The following BNC2 variants were observed in gnomAD, a reference collection of about 807,000 sequenced individuals.
BNC2 encodes zinc finger protein basonuclin-2.
A neutral mutation model predicts 76.3 loss-of-function variants in BNC2; 20 were observed. The observed-to-expected ratio is 0.26, with a 90% CI of 0.18 to 0.38. The LOEUF (loss-of-function observed/expected upper bound fraction) is 0.38. Ranked by LOEUF, BNC2 falls within the 10% of genes least tolerant of loss-of-function variation. The pLI, the probability that BNC2 is intolerant of heterozygous loss-of-function variation, is 1.00. For synonymous variants in BNC2, 582 were observed against 514.8 expected, an observed-to-expected ratio of 1.13 and a Z score of -1.77; for missense variants, 1,382 against 1,399.8, an observed-to-expected ratio of 0.99 and a Z score of 0.20.
At position 16,419,083 on chromosome 9, in the gene BNC2, C is replaced by T. The variant is rs1820653197; in HGVS notation, c.3206G>A (p.Gly1069Asp). The change falls in exon 7 of 7, where the codon GGT becomes GAT. Residue 1069 changes from glycine to aspartate, a missense_variant. Gly to Asp is a moderately conservative substitution (Grantham distance 94). Transcript: ENST00000380672. The stretch of plus-strand genomic sequence containing the variant: ...TACAGAGGAAAACATCATATTGCAA[C>T]CTGGGACTTTGCACTTGTGCATTTC... Reference protein sequence around the residue: ...LREMHKCKVPGCNMMFSSVRS... With the variant: ...LREMHKCKVPDCNMMFSSVRS... 6.2e-7 allele frequency: 1 copy of T among 1,614,056 alleles called. No individual in the cohort carries two copies. Among genetic ancestry groups the T allele is most frequent in the Non-Finnish European group, 8.5e-7 (1 of 1,180,046 alleles).
At chr9:16,531,442 CTTTCA>C (rs1339589001) in intron 5 of BNC2, among the ~76,000 whole-genome samples, 3 of 150,982 alleles carry the variant, frequency 2.0e-5, no homozygotes, top group South Asian at 2.1e-4. Context: ...AGAAGTTTTT[CTTTCA>C]TTTAATTTTT....
intron 5 of BNC2, among the ~76,000 whole-genome samples, chr9:16,474,486 G>C (rs1358795121): frequency 6.6e-6 from 1 of 152,120 alleles, no homozygotes; most frequent in Non-Finnish European, 1.5e-5. Flanking sequence ...GAATAGAGGA[G>C]GTGACAAAGA....
At position 16,418,807 on chromosome 9, in the gene BNC2, A is replaced by T; in HGVS notation, c.*182T>A. 2.9e-6 allele frequency: 2 copies of T among 691,850 alleles called. No individual in the cohort carries two copies. Among genetic ancestry groups the T allele is most frequent in the Non-Finnish European group, 4.8e-6 (2 of 413,920 alleles). 42.9% of individuals were successfully genotyped at this position (691,850 alleles called of 1,614,324 possible). A position where few individuals can be genotyped will look rare whatever the true frequency, so the allele number is the denominator to read the frequency against. On this transcript the variant is annotated 3_prime_UTR_variant, in exon 7 of 7. Transcript: ENST00000380672. ...AAGTGAAAAAAATTCAAAAGCACCTAGTGTTTATCTTGTTTATCTCAAGGA... is the reference window on the plus strand; with the variant it reads ...AAGTGAAAAAAATTCAAAAGCACCTTGTGTTTATCTTGTTTATCTCAAGGA...
At chr9:16,542,231 C>T (rs1272789894) in intron 5 of BNC2, among the ~76,000 whole-genome samples, 1 of 152,012 alleles carries the variant, frequency 6.6e-6, no homozygotes, top group Non-Finnish European at 1.5e-5. Flanking sequence ...AAGAAATACA[C>T]AGAAAAATGA....
chr9:16,689,259 T>C (rs1823078423), intron 3 of BNC2, among the ~76,000 whole-genome samples: 1 of 143,564 alleles, frequency 7.0e-6, no homozygotes. Context: ...CCGTTGAAAA[T>C]ATTTGAAGAT....
chr9:16,759,512 G>A (rs1259868306), intron 1 of BNC2, among the ~76,000 whole-genome samples: 1 of 152,036 alleles, frequency 6.6e-6, no homozygotes, highest in Non-Finnish European at 1.5e-5. Context: ...ATGACTCAGT[G>A]TTAAATCCCT....
chr9:16,552,300 A>T (rs1173565073), intron 5 of BNC2, among the ~76,000 whole-genome samples: 1 of 152,172 alleles, frequency 6.6e-6, no homozygotes, highest in Non-Finnish European at 1.5e-5. Flanking sequence ...AAAAGGTGCA[A>T]ACAAAGGTAA....
At chr9:16,750,759 G>C (rs544814959) in intron 1 of BNC2, among the ~76,000 whole-genome samples, 1 of 152,358 alleles carries the variant, frequency 6.6e-6, no homozygotes, top group South Asian at 2.1e-4. Context: ...ATCAAGGCTT[G>C]AAAGCAAATT....
At chr9:16,571,218 T>C (rs562795991) in intron 4 of BNC2, among the ~76,000 whole-genome samples, 2 of 152,192 alleles carry the variant, frequency 1.3e-5, no homozygotes, top group South Asian at 4.1e-4. Flanking sequence ...TCTTAATAGC[T>C]TTTTTTAATT....
At chr9:16,505,302 A>G (rs1822601355) in intron 5 of BNC2, among the ~76,000 whole-genome samples, 1 of 152,200 alleles carries the variant, frequency 6.6e-6, no homozygotes, top group Admixed American at 6.5e-5. Context: ...CCCAGTACTG[A>G]CATTTTTTGC....
intron 3 of BNC2, among the ~76,000 whole-genome samples, chr9:16,646,721 G>A (rs1821638019): frequency 6.6e-6 from 1 of 152,042 alleles, no homozygotes; most frequent in South Asian, 2.1e-4. Context: ...CTTAAAATGG[G>A]TCTATTTCAT....
chr9:16,793,144 A>T (rs1262463058), intron 1 of BNC2, among the ~76,000 whole-genome samples: 1 of 152,224 alleles, frequency 6.6e-6, no homozygotes, highest in Non-Finnish European at 1.5e-5. Flanking sequence ...ACACCAAAAC[A>T]AATCCAATTG....
rs1289005559 is a variant in BNC2 at position 16,791,320 on chromosome 9, C to T, written c.4-52835G>A. Among the ~76,000 whole-genome samples the T allele has an allele frequency of 2.0e-5, 3 of 152,248 alleles. No individual in the cohort carries two copies. In the East Asian group the frequency reaches 5.8e-4, roughly 29 times the overall value. On this transcript the variant is annotated intron_variant, in intron 1 of 6. Transcript: ENST00000380672. ...TCGTGATCCGCCTGCCTCGGCCTCC[C>T]AAAGTGCTAGGATTACAGGCATGAG...
chr9:16,538,307 G>A (rs1818189964), intron 5 of BNC2, among the ~76,000 whole-genome samples: 1 of 152,124 alleles, frequency 6.6e-6, no homozygotes, highest in Non-Finnish European at 1.5e-5. Flanking sequence ...TCTATGTACT[G>A]AGTGAAGGAA....
chr9:16,818,991 C>A (rs530318510), intron 1 of BNC2, among the ~76,000 whole-genome samples: 4 of 152,242 alleles, frequency 2.6e-5, no homozygotes, highest in Non-Finnish European at 5.9e-5. Context: ...AAAAAAAAGT[C>A]CCTTCATCTC....
intron 1 of BNC2, among the ~76,000 whole-genome samples, chr9:16,858,337 G>A (rs1333914450): frequency 1.3e-5 from 2 of 152,124 alleles, no homozygotes; most frequent in East Asian, 1.9e-4. Flanking sequence ...TAAAACCAGG[G>A]TGTTTCACAG....
chr9:16,537,558 A>G (rs1313720956), intron 5 of BNC2, among the ~76,000 whole-genome samples: 1 of 152,168 alleles, frequency 6.6e-6, no homozygotes, highest in Non-Finnish European at 1.5e-5. Flanking sequence ...TTTCCACCAC[A>G]ATGGTATTTA....
intron 1 of BNC2, among the ~76,000 whole-genome samples, chr9:16,841,861 G>C (rs999828443): frequency 1.3e-5 from 2 of 150,260 alleles, no homozygotes; most frequent in Non-Finnish European, 2.9e-5. Context: ...CCAGGCTGGA[G>C]TGCAATGGCA....
chr9:16,748,894 G>A (rs1235255489), intron 1 of BNC2, among the ~76,000 whole-genome samples: 1 of 133,010 alleles, frequency 7.5e-6, no homozygotes, highest in Non-Finnish European at 1.6e-5. Flanking sequence ...CTCTGTGTAA[G>A]CTTCTGTACT....
Sources: allele counts gnomAD v4.1 joint callset (sites outside exome capture counted in the v4.1 genomes callset), GRCh38; gene constraint gnomAD v4.1.1; transcripts MANE v1.5; gene names NCBI Gene and HGNC (gene_info 2026-07-23, HGNC 2026-07-21).